The following NR3C2 variants were observed in gnomAD, a reference collection of about 807,000 sequenced individuals.
NR3C2 encodes the protein nuclear receptor subfamily 3 group C member 2, also known as mineralocorticoid receptor.
NR3C2 carries 15 observed loss-of-function variants against 86.4 expected under a neutral mutation model. That is an observed-to-expected ratio of 0.17 (90% CI 0.12 to 0.27). The LOEUF is 0.27. NR3C2 is among the 10% of genes least tolerant of loss of function. NR3C2 has a pLI of 1.00. For synonymous variants in NR3C2, 458 were observed against 450.5 expected, an observed-to-expected ratio of 1.02 and a Z score of -0.21; for missense variants, 960 against 1,195.6, an observed-to-expected ratio of 0.80 and a Z score of 2.91.
intron 2 of NR3C2, among the ~76,000 whole-genome samples, chr4:148,427,023 C>T (rs1182375769): frequency 1.3e-5 from 2 of 151,682 alleles, no homozygotes; most frequent in Admixed American, 6.6e-5. Flanking sequence ...TACACGGTCT[C>T]GGTTCACTGC....
At chr4:148,403,999 T>C (rs1441499907) in intron 2 of NR3C2, among the ~76,000 whole-genome samples, 1 of 152,104 alleles carries the variant, frequency 6.6e-6, no homozygotes, top group Non-Finnish European at 1.5e-5. Context: ...ATTATCCCCA[T>C]TTCTTGGATA....
intron 2 of NR3C2, among the ~76,000 whole-genome samples, chr4:148,401,461 CTTTTTTTTTTT>C (rs397881130): frequency 2.7e-4 from 31 of 116,914 alleles, no homozygotes; most frequent in African/African-American, 8.1e-4. Context: ...AAAGTTGTCT[CTTTTTTTTTTT>C]TTTTTTTTTG....
rs368785379 is a variant in NR3C2 at position 148,369,913 on chromosome 4, G to A, written c.1757+65191C>T. Among the ~76,000 whole-genome samples, 9 of 152,354 alleles carry A rather than the reference G, an allele frequency of 5.9e-5. No individual in the cohort carries two copies. In the South Asian group the frequency reaches 8.3e-4, roughly 14 times the overall value. On this transcript the variant is annotated intron_variant, in intron 2 of 8. Transcript: ENST00000358102. ...GTCTCTCCATATGCTGCAAAGAACC[G>A]GGTGAAATTGATGGGCACTGAGGGG...
At chr4:148,097,255 G>T (rs1304024440) in intron 8 of NR3C2, among the ~76,000 whole-genome samples, 1 of 152,170 alleles carries the variant, frequency 6.6e-6, no homozygotes, top group Non-Finnish European at 1.5e-5. Flanking sequence ...ATTTTTGGCT[G>T]TTCCTTCAGG....
chr4:148,136,772 G>A (rs1733367005), intron 6 of NR3C2, among the ~76,000 whole-genome samples: 2 of 152,036 alleles, frequency 1.3e-5, no homozygotes, highest in African/African-American at 2.4e-5. Context: ...TCAGCCTCCT[G>A]AGTAGCTGCC....
At chr4:148,401,773 T>G (rs539311312) in intron 2 of NR3C2, among the ~76,000 whole-genome samples, 2 of 152,064 alleles carry the variant, frequency 1.3e-5, no homozygotes, top group Non-Finnish European at 2.9e-5. Flanking sequence ...AAAGTTGTAT[T>G]TCTTGAAATA....
In NR3C2 at chr4:148,184,011, G is replaced by A. The variant is rs947302861; in HGVS notation, c.2014+10735C>T. Among the ~76,000 whole-genome samples, 7 of 152,072 alleles carry A rather than the reference G, an allele frequency of 4.6e-5. No individual in the cohort carries two copies. The South Asian group carries it at 6.2e-4, about 14-fold the overall frequency. On this transcript the variant is annotated intron_variant, in intron 4 of 8. Coordinates refer to ENST00000358102, the MANE Select transcript of NR3C2 (RefSeq NM_000901.5). ...GCAGGTATCTAGTAGGTAGAGACCA[G>A]GGACACTGATAAACACCCTACTATG...
At chr4:148,162,410 CT>C (rs1162218960) in intron 4 of NR3C2, among the ~76,000 whole-genome samples, 5 of 151,998 alleles carry the variant, frequency 3.3e-5, no homozygotes, top group Non-Finnish European at 7.4e-5. Flanking sequence ...CCCCCCTCCC[CT>C]TTTTAATGCC....
chr4:148,105,923 A>G (rs577934548), intron 8 of NR3C2, among the ~76,000 whole-genome samples: 1 of 152,358 alleles, frequency 6.6e-6, no homozygotes, highest in East Asian at 1.9e-4. Flanking sequence ...CCAATATCAT[A>G]CTGAATGGGC....
At chr4:148,319,595 C>T (rs1369280284) in intron 2 of NR3C2, among the ~76,000 whole-genome samples, 2 of 149,372 alleles carry the variant, frequency 1.3e-5, no homozygotes, top group South Asian at 2.2e-4. Flanking sequence ...TCCTTCACGT[C>T]CCTTGTAAGT....
chr4:148,418,248 A>C (rs936223568), intron 2 of NR3C2, among the ~76,000 whole-genome samples: 7 of 152,182 alleles, frequency 4.6e-5, no homozygotes, highest in African/African-American at 1.7e-4. Context: ...TTACTGAGTC[A>C]TATTTCTATG....
chr4:148,420,278 C>G (rs531705385), intron 2 of NR3C2, among the ~76,000 whole-genome samples: 1 of 152,176 alleles, frequency 6.6e-6, no homozygotes, highest in African/African-American at 2.4e-5. Context: ...TGACACCATT[C>G]GAAACCTAGG....
chr4:148,434,311 C>T (rs544483688), intron 2 of NR3C2, among the ~76,000 whole-genome samples: 1 of 152,282 alleles, frequency 6.6e-6, no homozygotes, highest in East Asian at 1.9e-4. Context: ...ATATCTAAAA[C>T]CTCTTCCTTG....
intron 2 of NR3C2, among the ~76,000 whole-genome samples, chr4:148,362,981 G>C (rs539213646): frequency 1.3e-5 from 2 of 152,254 alleles, no homozygotes; most frequent in East Asian, 3.9e-4. Context: ...ACTACAACGG[G>C]ATGCGGTTGA....
intron 3 of NR3C2, among the ~76,000 whole-genome samples, chr4:148,202,032 G>A (rs1338296701): frequency 6.6e-6 from 1 of 152,152 alleles, no homozygotes; most frequent in East Asian, 1.9e-4. Flanking sequence ...CAGAGCAGGA[G>A]GTGCTTCAAT....
intron 3 of NR3C2, among the ~76,000 whole-genome samples, chr4:148,209,654 A>G (rs1295842514): frequency 6.6e-6 from 1 of 152,142 alleles, no homozygotes; most frequent in African/African-American, 2.4e-5. Flanking sequence ...GTCACTCGTA[A>G]AAGAGAAAGA....
chr4:148,435,360 T>G lies in NR3C2; in HGVS notation c.1501A>C (p.Ser501Arg), dbSNP rs772763439. 6.2e-7 allele frequency: 1 copy of G among 1,614,128 alleles called. No individual in the cohort carries two copies. Among genetic ancestry groups the G allele is most frequent in the South Asian group, 1.1e-5 (1 of 91,080 alleles). Residue 501 changes from serine to arginine, a missense_variant, in exon 2 of 9, where the codon AGC becomes CGC. Around this residue, in one of 4 missense-constraint regions of NR3C2, gnomAD observed 680 missense variants for 719.0 expected, o/e 0.95. Coordinates refer to ENST00000358102, the MANE Select transcript of NR3C2 (RefSeq NM_000901.5). ...VGIKQEPDDG[S>R]YYPEASIPSS... ...GGGATGCTGGCCTCTGGGTAATAGC[T>G]CCCATCATCTGGTTCTTGTTTAATA...
At chr4:148,254,735 TTTA>T (rs1739742228) in intron 3 of NR3C2, among the ~76,000 whole-genome samples, 1 of 152,146 alleles carries the variant, frequency 6.6e-6, no homozygotes, top group Non-Finnish European at 1.5e-5. Flanking sequence ...AAAAAATATC[TTTA>T]AGGTGTTTCA....
chr4:148,098,191 C>A (rs1472317686), intron 8 of NR3C2, among the ~76,000 whole-genome samples: 4 of 152,216 alleles, frequency 2.6e-5, no homozygotes, highest in Admixed American at 6.5e-5. Flanking sequence ...ATTACGGTTA[C>A]ATTGCTGGTC....
Sources: gnomAD v4.1 joint callset for allele counts (sites outside exome capture counted in the v4.1 genomes callset) on GRCh38, gnomAD v4.1.1 for gene constraint, gnomAD v4.1.1 regional missense constraint, MANE v1.5 for transcripts, NCBI Gene and HGNC (gene_info 2026-07-23, HGNC 2026-07-21) for gene names.